PLEKHA5: variants seen among roughly 807,000 people sequenced by gnomAD.
PLEKHA5 encodes pleckstrin homology domain-containing family A member 5.
In PLEKHA5, 55 loss-of-function variants were observed where a neutral mutation model predicts 181.9. That is an observed-to-expected ratio of 0.30 (90% CI 0.24 to 0.38). The LOEUF (loss-of-function observed/expected upper bound fraction) is 0.38, where lower values mean the gene tolerates loss of function less well. Ranked by LOEUF, PLEKHA5 falls within the 10% of genes least tolerant of loss-of-function variation. PLEKHA5 has a pLI of 1.00. For synonymous variants in PLEKHA5, 535 were observed against 529.4 expected (o/e 1.01, Z -0.15); for missense variants, 1,432 against 1,549.5 (o/e 0.92, Z 1.27).
In PLEKHA5 at chr12:19,132,398, C is replaced by A; in HGVS notation, c.175C>A (p.Pro59Thr). 1 of 1,501,446 alleles carries A rather than the reference C, an allele frequency of 6.7e-7. No homozygotes were observed. The highest frequency in any genetic ancestry group is 9.2e-7 in the Non-Finnish European group (1 of 1,088,458). The allele number at this position is 1,501,446 out of a possible 1,614,324, so 93.0% of individuals were successfully genotyped here. ...TGHRRQSTDL[P>T]TGWEEAYTFE... The stretch of plus-strand genomic sequence containing the variant: ...TAATATATGTATTGTTTTAGATTTG[C>A]CTACTGGCTGGGAAGAAGCATATAC... Residue 59 changes from proline (P) to threonine (T), a missense_variant, in exon 3 of 32, where the codon CCT (proline) becomes ACT (threonine). By Grantham distance (38) the Pro-to-Thr change is conservative. Transcript: ENST00000429027.
intron 3 of PLEKHA5, among the ~76,000 whole-genome samples, chr12:19,143,285 C>T (rs2037964717): frequency 6.6e-6 from 1 of 152,230 alleles, no homozygotes; most frequent in African/African-American, 2.4e-5. Flanking sequence ...CTTGCAGGCA[C>T]TTGCTTGATG....
At chr12:19,151,467 T>TAGAG (rs2040370853) in intron 3 of PLEKHA5, 1 of 151,522 alleles carries the variant, frequency 6.6e-6, no homozygotes, top group Non-Finnish European at 1.5e-5. Context: ...CCCTGGGACT[T>TAGAG]ACAGAGGCCG....
intron 21 of PLEKHA5, among the ~76,000 whole-genome samples, chr12:19,337,965 A>G (rs1466673299): frequency 6.7e-6 from 1 of 149,450 alleles, no homozygotes; most frequent in African/African-American, 2.5e-5. Context: ...CGGGAGGTGG[A>G]GGTTGCAGGG....
chr12:19,327,174 G>A (rs1264260251), intron 20 of PLEKHA5, among the ~76,000 whole-genome samples: 1 of 151,296 alleles, frequency 6.6e-6, no homozygotes, highest in Non-Finnish European at 1.5e-5. Flanking sequence ...CATAGTGGCT[G>A]AACTAATTTA....
At chr12:19,148,879 A>G (rs2039632514) in intron 3 of PLEKHA5, among the ~76,000 whole-genome samples, 1 of 152,296 alleles carries the variant, frequency 6.6e-6, no homozygotes, top group African/African-American at 2.4e-5. Flanking sequence ...GATTTTTACA[A>G]TATCAAGTCA....
chr12:19,315,297 C>G (rs1199610860), intron 16 of PLEKHA5, among the ~76,000 whole-genome samples: 1 of 152,076 alleles, frequency 6.6e-6, no homozygotes, highest in Non-Finnish European at 1.5e-5. Flanking sequence ...ACAACTTCCC[C>G]CAACCTAGTG....
intron 30 of PLEKHA5, among the ~76,000 whole-genome samples, chr12:19,369,326 C>T (rs952883484): frequency 6.5e-4 from 66 of 100,972 alleles, no homozygotes; most frequent in Non-Finnish European, 1.1e-3. Flanking sequence ...TGAGCCACCA[C>T]GCCCAGCCAA....
chr12:19,180,023 A>G (rs1244248618), intron 3 of PLEKHA5, among the ~76,000 whole-genome samples: 1 of 152,192 alleles, frequency 6.6e-6, no homozygotes, highest in Non-Finnish European at 1.5e-5. Flanking sequence ...ATAAATTTAT[A>G]TGAAAAGACT....
At chr12:19,188,617 CTG>C (rs2050379035) in intron 3 of PLEKHA5, among the ~76,000 whole-genome samples, 1 of 152,200 alleles carries the variant, frequency 6.6e-6, no homozygotes, top group Non-Finnish European at 1.5e-5. Context: ...AACGGAATAA[CTG>C]TATCAGACCA....
intron 3 of PLEKHA5, among the ~76,000 whole-genome samples, chr12:19,211,107 G>A (rs2056803612): frequency 1.3e-5 from 2 of 152,042 alleles, no homozygotes; most frequent in Non-Finnish European, 2.9e-5. Context: ...TAAAAATTAT[G>A]AAATAATTAA....
chr12:19,314,996 CTTATT>C (rs1424750925), intron 16 of PLEKHA5, 102 bp downstream of exon 16: 1 of 690,068 alleles, frequency 1.4e-6, no homozygotes, highest in African/African-American at 1.8e-5. Flanking sequence ...CAGTGTTTTT[CTTATT>C]TTATTTTTTG....
At chr12:19,362,864 T>C (rs1409562138) in intron 29 of PLEKHA5, among the ~76,000 whole-genome samples, 2 of 151,830 alleles carry the variant, frequency 1.3e-5, no homozygotes, top group Non-Finnish European at 2.9e-5. Flanking sequence ...CAGTCGGCCC[T>C]CCATATTCAT....
At chr12:19,193,156 G>A (rs964309958) in intron 3 of PLEKHA5, among the ~76,000 whole-genome samples, 4 of 152,164 alleles carry the variant, frequency 2.6e-5, no homozygotes, top group African/African-American at 9.6e-5. Flanking sequence ...AAGGACAGTA[G>A]CATGTGAGTC....
chr12:19,375,337 C>T (rs1477191594), intron 31 of PLEKHA5, among the ~76,000 whole-genome samples, 194 bp from the exon 32 acceptor site: 1 of 151,970 alleles, frequency 6.6e-6, no homozygotes, highest in African/African-American at 2.4e-5. Flanking sequence ...AAAAAAATTG[C>T]ATTATGTTTC....
intron 3 of PLEKHA5, among the ~76,000 whole-genome samples, chr12:19,211,523 G>A (rs925167434): frequency 4.6e-5 from 7 of 151,986 alleles, no homozygotes; most frequent in African/African-American, 7.3e-5. Flanking sequence ...TCTCCTTTAC[G>A]GCCTATGGAA....
At position 19,365,958 on chromosome 12, in the gene PLEKHA5, C is replaced by A; in HGVS notation, c.3609-6C>A. 1 of 1,584,392 alleles carries A rather than the reference C, an allele frequency of 6.3e-7. No individual in the cohort carries two copies. Among genetic ancestry groups the A allele is most frequent in the Non-Finnish European group, 8.5e-7 (1 of 1,171,216 alleles). ...AAATTTTTAAATACCAATCTATTTT[C>A]ATCAGCCCTCAAGATGAAACACAGA... On this transcript the variant is annotated splice_polypyrimidine_tract_variant and splice_region_variant and intron_variant, in intron 29 of 31. Transcript: ENST00000429027.
chr12:19,325,917 G>A (rs2091983469), intron 20 of PLEKHA5, among the ~76,000 whole-genome samples: 1 of 151,870 alleles, frequency 6.6e-6, no homozygotes, highest in Non-Finnish European at 1.5e-5. Context: ...TGAGACAGGA[G>A]AATCGCTTGA....
intron 10 of PLEKHA5, among the ~76,000 whole-genome samples, chr12:19,273,205 G>A (rs956500316): frequency 2.6e-5 from 4 of 152,056 alleles, no homozygotes; most frequent in African/African-American, 9.7e-5. Context: ...GGCCACACCT[G>A]GCCAACTTTT....
chr12:19,369,895 A>T (rs1002194427), intron 31 of PLEKHA5, 97 bp downstream of exon 31: 6 of 647,450 alleles, frequency 9.3e-6, no homozygotes, highest in Non-Finnish European at 1.6e-5. Flanking sequence ...TTAGTTCTGG[A>T]CTGTACATAG....
Sources: allele counts gnomAD v4.1 joint callset (sites outside exome capture counted in the v4.1 genomes callset), GRCh38; gene constraint gnomAD v4.1.1; transcripts MANE v1.5; gene names NCBI Gene and HGNC (gene_info 2026-07-23, HGNC 2026-07-21).